The following MAML2 variants were observed in gnomAD, a reference collection of about 807,000 sequenced individuals.
The protein encoded by MAML2 is mastermind like transcriptional coactivator 2.
In MAML2, 22 loss-of-function variants were observed where a neutral mutation model predicts 96.1. The ratio of observed to expected loss-of-function variants is 0.23; its 90% CI spans 0.16 to 0.33. MAML2 has a LOEUF of 0.33. MAML2 is among the 10% of genes least tolerant of loss of function. MAML2 has a pLI of 1.00. For missense variants in MAML2, 1,367 were observed against 1,392.4 expected, an observed-to-expected ratio of 0.98 and a Z score of 0.29; for synonymous variants, 561 against 521.3, an observed-to-expected ratio of 1.08 and a Z score of -1.04.
chr11:96,220,598 C>T (rs1296950591), intron 1 of MAML2, among the ~76,000 whole-genome samples: 1 of 152,114 alleles, frequency 6.6e-6, no homozygotes, highest in Non-Finnish European at 1.5e-5. Context: ...TTACAAAATG[C>T]AATGTAAAGT....
chr11:96,311,450 T>G (rs746731147), intron 1 of MAML2, among the ~76,000 whole-genome samples: 1 of 152,208 alleles, frequency 6.6e-6, no homozygotes, highest in Non-Finnish European at 1.5e-5. Context: ...TCCTGAAATA[T>G]GAATGCACAA....
At chr11:96,064,271 G>C (rs1231563617) in intron 2 of MAML2, among the ~76,000 whole-genome samples, 2 of 152,128 alleles carry the variant, frequency 1.3e-5, no homozygotes, top group Non-Finnish European at 2.9e-5. Flanking sequence ...TGTGTTCCTG[G>C]GCAGATGGAT....
At chr11:96,305,253 A>G (rs1304776279) in intron 1 of MAML2, among the ~76,000 whole-genome samples, 1 of 152,160 alleles carries the variant, frequency 6.6e-6, no homozygotes, top group Non-Finnish European at 1.5e-5. Context: ...GCAGTAAAAT[A>G]CTCTATGATA....
chr11:96,026,578 T>A (rs1858522321), intron 2 of MAML2, among the ~76,000 whole-genome samples: 1 of 152,134 alleles, frequency 6.6e-6, no homozygotes, highest in Admixed American at 6.6e-5. Context: ...GGGCTGTAAA[T>A]CTCCCCCTAT....
At chr11:96,108,202 C>T (rs1316862381) in intron 1 of MAML2, among the ~76,000 whole-genome samples, 3 of 152,150 alleles carry the variant, frequency 2.0e-5, no homozygotes, top group East Asian at 1.9e-4. Context: ...ACACCCAGTT[C>T]GTGTCAGCTG....
At chr11:96,273,176 G>A (rs1468322260) in intron 1 of MAML2, among the ~76,000 whole-genome samples, 10 of 152,158 alleles carry the variant, frequency 6.6e-5, no homozygotes, top group African/African-American at 1.9e-4. Context: ...TTGAAAGTAA[G>A]GTACTGCTTC....
In MAML2 at chr11:96,150,259, T is replaced by G. The variant is rs147783051; in HGVS notation, c.514-56742A>C. Among the ~76,000 whole-genome samples the G allele has an allele frequency of 3.2e-3, 481 of 152,276 alleles. 2 individuals are homozygous for G. Among genetic ancestry groups the G allele is most frequent in the Middle Eastern group, 0.01 (3 of 294 alleles). On this transcript the variant is annotated intron_variant, in intron 1 of 4. Transcript: ENST00000524717. ...GAAGTCACAAAGCTGAAAAAGATAA[T>G]CCCTGCTCTCACGAAGCTCAGCTTC...
chr11:96,236,996 A>G (rs1030761), intron 1 of MAML2, among the ~76,000 whole-genome samples: 61,261 of 152,098 alleles, frequency 0.4, 13,806 homozygotes, highest in East Asian at 0.52. Flanking sequence ...TTTCTGACAG[A>G]GAAACCTCTG....
rs377229385 is a variant in MAML2 at position 96,012,186 on chromosome 11, A to G, written c.2140-20463T>C. ...AACCTCCTCTGAAAGCACCACTAGCAGGCACTGTGAGAGCATTTTCATTCA... is the reference window on the plus strand; with the variant it reads ...AACCTCCTCTGAAAGCACCACTAGCGGGCACTGTGAGAGCATTTTCATTCA... On this transcript the variant is annotated intron_variant, in intron 2 of 4. Transcript: ENST00000524717. Among the ~76,000 whole-genome samples the G allele has an allele frequency of 1.0e-3, 158 of 152,338 alleles. 4 individuals are homozygous for G. In the South Asian group the frequency reaches 0.031, roughly 30 times the overall value.
At chr11:96,020,362 T>C (rs2135736114) in intron 2 of MAML2, among the ~76,000 whole-genome samples, 1 of 152,352 alleles carries the variant, frequency 6.6e-6, no homozygotes, top group East Asian at 1.9e-4. Context: ...CTTGCCTTCC[T>C]ATTAGCACCA....
Position 96,012,905 on chromosome 11 carries a change from G to A in MAML2, c.2140-21182C>T, listed in dbSNP as rs551573086. Among the ~76,000 whole-genome samples the A allele has an allele frequency of 7.2e-5, 11 of 152,306 alleles. 1 individual carries two copies. The South Asian group carries it at 2.3e-3, about 32-fold the overall frequency. ...CAACAGAATTATAAAGTCAACTAATGCTGCCACCATTTTATTCAATGTTCC... is the reference window on the plus strand; with the variant it reads ...CAACAGAATTATAAAGTCAACTAATACTGCCACCATTTTATTCAATGTTCC... On this transcript the variant is annotated intron_variant, in intron 2 of 4. Coordinates refer to ENST00000524717, the MANE Select transcript of MAML2 (RefSeq NM_032427.4).
In MAML2 at chr11:96,114,382, T is replaced by A. The variant is rs193042363; in HGVS notation, c.514-20865A>T. 3.9e-3 allele frequency among the ~76,000 whole-genome samples: 594 copies of A among 152,344 alleles called. 5 individuals carry two copies. The highest frequency in any genetic ancestry group is 0.014 in the African/African-American group (573 of 41,572). On this transcript the variant is annotated intron_variant, in intron 1 of 4. Coordinates refer to ENST00000524717, the MANE Select transcript of MAML2 (RefSeq NM_032427.4). ...TCTGTCACCTAATTTCATCGTTTGA[T>A]CCTAATCTCCTTAGCTCTTGTTCCT... is the stretch of plus-strand genomic sequence containing the variant.
chr11:96,259,900 A>T lies in MAML2; in HGVS notation c.513+81483T>A, dbSNP rs147971785. Among the ~76,000 whole-genome samples the T allele has an allele frequency of 5.3e-5, 8 of 152,110 alleles. No homozygotes were observed. The East Asian group carries it at 1.2e-3, about 22-fold the overall frequency. On this transcript the variant is annotated intron_variant, in intron 1 of 4. Transcript: ENST00000524717. ...TATGGTTCAGTATAAAGGTTACCTT[A>T]AAAAAAGCCTTGGGATATACTTTCA... is the stretch of plus-strand genomic sequence containing the variant.
chr11:96,296,455 A>T (rs1397070347), intron 1 of MAML2, among the ~76,000 whole-genome samples: 1 of 152,170 alleles, frequency 6.6e-6, no homozygotes, highest in Non-Finnish European at 1.5e-5. Flanking sequence ...CAGCCTGACC[A>T]ACATGGTGAA....
At chr11:96,161,236 T>G (rs1225250210) in intron 1 of MAML2, among the ~76,000 whole-genome samples, 2 of 152,152 alleles carry the variant, frequency 1.3e-5, no homozygotes, top group African/African-American at 4.8e-5. Flanking sequence ...AGGAATGTGG[T>G]GGGGAAGGCA....
At chr11:96,022,176 T>C (rs1359956054) in intron 2 of MAML2, among the ~76,000 whole-genome samples, 1 of 152,178 alleles carries the variant, frequency 6.6e-6, no homozygotes, top group East Asian at 1.9e-4. Context: ...CTGAAGAAAC[T>C]ACGTTGAATT....
At position 95,976,637 on chromosome 11, in the gene MAML2, A is replaced by G. The variant is rs1292759423; in HGVS notation, c.*2311T>C. Reference sequence around the variant, plus strand: ...CCTGTATTTTAATGAATAGCTGAATAAATAGACATTAATTATGAAATTCAC... The same window carrying G: ...CCTGTATTTTAATGAATAGCTGAATGAATAGACATTAATTATGAAATTCAC... On this transcript the variant is annotated 3_prime_UTR_variant, in exon 5 of 5. Coordinates refer to ENST00000524717, the MANE Select transcript of MAML2 (RefSeq NM_032427.4). 5.7e-6 allele frequency: 1 copy of G among 174,670 alleles called. No homozygotes were observed. Among genetic ancestry groups the G allele is most frequent in the African/African-American group, 2.4e-5 (1 of 42,172 alleles). 10.8% of individuals were successfully genotyped at this position (174,670 alleles called of 1,614,324 possible).
intron 1 of MAML2, among the ~76,000 whole-genome samples, chr11:96,191,309 C>CA (rs1861650038): frequency 6.6e-6 from 1 of 150,604 alleles, no homozygotes; most frequent in Non-Finnish European, 1.5e-5. Flanking sequence ...ACTAAAAATA[C>CA]AAAAATTAGC....
At chr11:96,069,796 G>T (rs894439475) in intron 2 of MAML2, among the ~76,000 whole-genome samples, 1 of 152,062 alleles carries the variant, frequency 6.6e-6, no homozygotes, top group African/African-American at 2.4e-5. Flanking sequence ...AGGCCGAGGC[G>T]GGCGGATCAC....
Sources: gnomAD v4.1 joint callset for allele counts (sites outside exome capture counted in the v4.1 genomes callset) on GRCh38, gnomAD v4.1.1 for gene constraint, MANE v1.5 for transcripts, NCBI Gene and HGNC (gene_info 2026-07-23, HGNC 2026-07-21) for gene names.